Variants in RAPGEF2 observed in about 807,000 individuals in gnomAD.
RAPGEF2 encodes the protein Rap guanine nucleotide exchange factor 2.
In RAPGEF2, 54 loss-of-function variants were observed where a neutral mutation model predicts 186.7. The observed-to-expected ratio is 0.29, with a 90% confidence interval of 0.23 to 0.36. RAPGEF2 has a LOEUF of 0.36. RAPGEF2 is among the 10% of genes least tolerant of loss of function. The probability of loss-of-function intolerance (pLI) is 1.00; values close to 1 mark genes in which losing one functional copy is unlikely to be tolerated. For synonymous variants in RAPGEF2, 712 were observed against 705.9 expected, an observed-to-expected ratio of 1.01 and a Z score of -0.14; for missense variants, 1,532 against 2,045.0, an observed-to-expected ratio of 0.75 and a Z score of 4.84.
chr4:159,241,742 G>GT (rs1754034482), intron 6 of RAPGEF2, among the ~76,000 whole-genome samples: 1 of 151,804 alleles, frequency 6.6e-6, no homozygotes, highest in Admixed American at 6.6e-5. Context: ...ATTTTAAGTT[G>GT]TTTTACCTTA....
At chr4:159,168,884 G>T (rs556083571) in intron 1 of RAPGEF2, among the ~76,000 whole-genome samples, 2 of 152,318 alleles carry the variant, frequency 1.3e-5, no homozygotes, top group East Asian at 3.9e-4. Context: ...ATATCAGCTG[G>T]CAGCAGTGGT....
intron 11 of RAPGEF2, chr4:159,329,149 T>A (rs186786949): frequency 6.6e-6 from 1 of 152,280 alleles, no homozygotes. Context: ...CTTAACTTTC[T>A]TTAAAACTTC....
chr4:159,302,841 G>C (rs1762838485), intron 7 of RAPGEF2, among the ~76,000 whole-genome samples: 1 of 151,044 alleles, frequency 6.6e-6, no homozygotes, highest in Non-Finnish European at 1.5e-5. Flanking sequence ...TGCACATTAT[G>C]CAGGTTAGTT....
intron 7 of RAPGEF2, among the ~76,000 whole-genome samples, chr4:159,262,040 C>T (rs1185946569): frequency 6.6e-6 from 1 of 152,176 alleles, no homozygotes; most frequent in African/African-American, 2.4e-5. Flanking sequence ...TATAATTACT[C>T]ACCCATCCTG....
At chr4:159,132,616 T>C (rs1042478552) in intron 1 of RAPGEF2, among the ~76,000 whole-genome samples, 6 of 152,222 alleles carry the variant, frequency 3.9e-5, no homozygotes, top group African/African-American at 1.4e-4. Flanking sequence ...TTATGCCTCC[T>C]TTTTCTAAAT....
chr4:159,306,973 G>T lies in RAPGEF2; in HGVS notation c.675+2500G>T, dbSNP rs141057378. Among the ~76,000 whole-genome samples, 690 of 152,224 alleles carry T rather than the reference G, an allele frequency of 4.5e-3. 11 individuals carry two copies. Among genetic ancestry groups the T allele is most frequent in the African/African-American group, 0.016 (656 of 41,556 alleles). ...TTTTTAAAATAAAATAATTCTAATT[G>T]TTAAGAAACATTTTATTAGCTTTGA... On this transcript the variant is annotated intron_variant, in intron 8 of 29. Coordinates refer to ENST00000691494, the MANE Select transcript of RAPGEF2 (RefSeq NM_001394067.2).
chr4:159,341,780 C>T lies in RAPGEF2; in HGVS notation c.2751C>T (p.Asn917=), dbSNP rs1245080985. 1.2e-6 allele frequency: 2 copies of T among 1,614,010 alleles called. No homozygotes were observed. Among genetic ancestry groups the T allele is most frequent in the Non-Finnish European group, 1.7e-6 (2 of 1,179,936 alleles). The change falls in exon 20 of 30, where the codon AAC becomes AAT. Residue 917 remains asparagine, a synonymous_variant. Transcript: ENST00000691494. ...TCAGATCAAAAACCAGCTGTGCCAA[C>T]CTGAAGAGATTTGAAGAAGTCATTA... is the stretch of plus-strand genomic sequence containing the variant. ...FKLRSKTSCA[N]LKRFEEVINQ...
intron 7 of RAPGEF2, among the ~76,000 whole-genome samples, chr4:159,261,387 C>A (rs192120680): frequency 5.7e-4 from 87 of 152,196 alleles, no homozygotes; most frequent in African/African-American, 2.0e-3. Flanking sequence ...TTAAGAAATT[C>A]TTGAACTTAG....
At chr4:159,257,201 A>G (rs1756277357) in intron 7 of RAPGEF2, among the ~76,000 whole-genome samples, 1 of 152,120 alleles carries the variant, frequency 6.6e-6, no homozygotes, top group Admixed American at 6.5e-5. Flanking sequence ...TGGGTTTTAC[A>G]TTTGTATTAG....
chr4:159,172,406 T>C (rs1277290896), intron 1 of RAPGEF2, among the ~76,000 whole-genome samples: 2 of 152,138 alleles, frequency 1.3e-5, no homozygotes, highest in Admixed American at 6.5e-5. Context: ...TCCTTTCTGA[T>C]TGTGATGGCT....
chr4:159,252,509 G>A (rs115713239), intron 7 of RAPGEF2, among the ~76,000 whole-genome samples: 3,767 of 152,280 alleles, frequency 0.025, 156 homozygotes, highest in African/African-American at 0.086. Flanking sequence ...CTTGAGCATC[G>A]TTGATATTCT....
At position 159,353,409 on chromosome 4, in the gene RAPGEF2, G is replaced by A. The variant is rs1282819542; in HGVS notation, c.4092-78G>A. 11 of 1,156,212 alleles carry A rather than the reference G, an allele frequency of 9.5e-6. No homozygotes were observed. In the South Asian group the frequency reaches 2.6e-4, roughly 27 times the overall value. The allele number at this position is 1,156,212 out of a possible 1,614,324, so 71.6% of individuals were successfully genotyped here. A position where few individuals can be genotyped will look rare whatever the true frequency, so the allele number is the denominator to read the frequency against. ...AGCAAGCTACCTTTCTAGGAAAAAG[G>A]GTATTTTGGTTTTATCATAGGTGAA... On this transcript the variant is annotated intron_variant, in intron 27 of 29. Coordinates refer to ENST00000691494, the MANE Select transcript of RAPGEF2 (RefSeq NM_001394067.2). This position sits in a 1 kb window ranked among gnomAD's most constrained non-coding sequence, Gnocchi z 4.3.
intron 2 of RAPGEF2, among the ~76,000 whole-genome samples, chr4:159,188,389 C>T (rs1747763556): frequency 2.0e-5 from 3 of 151,904 alleles, no homozygotes; most frequent in South Asian, 2.1e-4. Flanking sequence ...ATAGGCTGGG[C>T]GTGGTGGCTC....
At chr4:159,178,551 CTTTT>C (rs71589215) in intron 1 of RAPGEF2, among the ~76,000 whole-genome samples, 1 of 75,468 alleles carries the variant, frequency 1.3e-5, no homozygotes. Context: ...ATGTATTATG[CTTTT>C]TTTTTTTTTT....
In RAPGEF2 at chr4:159,107,464, C is replaced by T. The variant is rs778773212; in HGVS notation, c.69+3233C>T. 1.6e-4 allele frequency among the ~76,000 whole-genome samples: 24 copies of T among 152,244 alleles called. No homozygotes were observed. The East Asian group carries it at 4.6e-3, about 29-fold the overall frequency. On this transcript the variant is annotated intron_variant, in intron 1 of 29. Coordinates refer to ENST00000691494, the MANE Select transcript of RAPGEF2 (RefSeq NM_001394067.2). ...AGAGTGTCTAAATGCATACCATTTT[C>T]AGTTTTTCAGGTGAAACATCTATTG...
chr4:159,352,030 CTTT>C (rs1350714030), intron 26 of RAPGEF2, among the ~76,000 whole-genome samples: 1 of 152,194 alleles, frequency 6.6e-6, no homozygotes, highest in Non-Finnish European at 1.5e-5. Flanking sequence ...GTTAAGGGTC[CTTT>C]CAGGCCAAGA....
chr4:159,355,821 T>A (rs1267515519), intron 28 of RAPGEF2, 32 bp from the exon 29 acceptor site: 15 of 1,511,160 alleles, frequency 9.9e-6, no homozygotes, highest in Non-Finnish European at 1.3e-5. Flanking sequence ...CATGAACTAG[T>A]TTTTAATGCT....
chr4:159,104,042 T>G lies in RAPGEF2; in HGVS notation c.-121T>G, dbSNP rs1481419666. The G allele has an allele frequency of 2.6e-6, 1 of 390,328 alleles. No homozygotes were observed. The highest frequency in any genetic ancestry group is 3.6e-6 in the Non-Finnish European group (1 of 279,836). 24.2% of individuals were successfully genotyped at this position (390,328 alleles called of 1,614,324 possible). A position where few individuals can be genotyped will look rare whatever the true frequency, so the allele number is the denominator to read the frequency against. On this transcript the variant is annotated 5_prime_UTR_variant, in exon 1 of 30. Coordinates refer to ENST00000691494, the MANE Select transcript of RAPGEF2 (RefSeq NM_001394067.2). Reference sequence around the variant, plus strand: ...GCCCCGCGCCGCCGCCGCCGCGGTTTGGCTGATTAGTCGCGGGCGGGCGGG... The same window carrying G: ...GCCCCGCGCCGCCGCCGCCGCGGTTGGGCTGATTAGTCGCGGGCGGGCGGG...
At chr4:159,283,954 A>G (rs1276624611) in intron 7 of RAPGEF2, among the ~76,000 whole-genome samples, 1 of 152,176 alleles carries the variant, frequency 6.6e-6, no homozygotes, top group Non-Finnish European at 1.5e-5. Flanking sequence ...CCAAATTTGC[A>G]TGCAGTAAAA....
Sources: gnomAD v4.1 joint callset for allele counts (sites outside exome capture counted in the v4.1 genomes callset) on GRCh38, gnomAD v4.1.1 for gene constraint, Gnocchi (gnomAD v3.1) non-coding constraint, MANE v1.5 for transcripts, NCBI Gene and HGNC (gene_info 2026-07-23, HGNC 2026-07-21) for gene names.